Variants in APOOL observed in about 807,000 individuals in gnomAD.
The protein encoded by APOOL is MICOS complex subunit MIC27.
A neutral mutation model predicts 23.1 loss-of-function variants in APOOL; 12 were observed. That is an observed-to-expected ratio of 0.52 (90% confidence interval 0.33 to 0.84). The LOEUF is 0.84. Ranked by LOEUF, APOOL falls within the 40% of genes least tolerant of loss-of-function variation. The probability of loss-of-function intolerance (pLI) is 0.02; values close to 1 mark genes in which losing one functional copy is unlikely to be tolerated. For synonymous variants in APOOL, 77 were observed against 69.9 expected (o/e 1.10, Z -0.51); for missense variants, 212 against 199.6 (o/e 1.06, Z -0.37).
chrX:85,004,466 G>A (rs1569451698), intron 1 of APOOL, among the ~76,000 whole-genome samples: 1 of 111,855 alleles, frequency 8.9e-6, no homozygotes, highest in East Asian at 2.8e-4. Flanking sequence ...CTTGGGAAAG[G>A]TGCCTTTACT....
intron 1 of APOOL, among the ~76,000 whole-genome samples, chrX:85,022,046 A>G (rs1182979347): frequency 8.9e-6 from 1 of 112,325 alleles, no homozygotes; most frequent in South Asian, 3.7e-4. Flanking sequence ...ATTACAAAGA[A>G]ATAGAAAATC....
chrX:85,059,815 C>A (rs1434483154), intron 5 of APOOL, among the ~76,000 whole-genome samples: 2 of 111,025 alleles, frequency 1.8e-5, no homozygotes, highest in Non-Finnish European at 3.8e-5. Context: ...AATTTTCTCC[C>A]ATTCTGTAGG....
At chrX:85,046,370 T>A in intron 1 of APOOL, 76 bp from the exon 2 acceptor site, 1 of 807,355 alleles carries the variant, frequency 1.2e-6, no homozygotes, top group Non-Finnish European at 1.8e-6. Context: ...TTCCTGAGAT[T>A]CCTCCAGTAT....
chrX:85,005,175 T>G (rs1921014024), intron 1 of APOOL, among the ~76,000 whole-genome samples: 1 of 110,086 alleles, frequency 9.1e-6, no homozygotes, highest in Admixed American at 9.7e-5. Flanking sequence ...ACGGAGTCTC[T>G]CTCTGTCTCC....
At chrX:85,024,608 G>T (rs1033815254) in intron 1 of APOOL, among the ~76,000 whole-genome samples, 1 of 112,494 alleles carries the variant, frequency 8.9e-6, no homozygotes, top group African/African-American at 3.2e-5. Flanking sequence ...ATCTAACTGG[G>T]ATACCACTTT....
At position 85,092,608 on chromosome X, in the gene APOOL, A is replaced by T. The variant is rs1602817122; in HGVS notation, c.*4930A>T. The T allele has an allele frequency of 9.1e-7, 1 of 1,099,649 alleles. No homozygotes were observed. The highest frequency in any genetic ancestry group is 1.8e-5 in the African/African-American group (1 of 55,394). The allele number at this position is 1,099,649 out of a possible 1,213,427, so 90.6% of individuals were successfully genotyped here. On this transcript the variant is annotated 3_prime_UTR_variant, in exon 9 of 9. Transcript: ENST00000373173. ...AATATTACTTTCATTTGAAAGTATA[A>T]TCTTCGTTAACACATATATTTTATT...
At chrX:85,058,409 C>A (rs185447372) in intron 5 of APOOL, among the ~76,000 whole-genome samples, 259 of 111,596 alleles carry the variant, frequency 2.3e-3, no homozygotes, top group African/African-American at 8.1e-3. Context: ...TGATCTCATT[C>A]CTTTTTATGG....
rs771005948 is a variant in APOOL, at chrX:85,086,722, C to T, written c.719-868C>T. 5.5e-3 allele frequency among the ~76,000 whole-genome samples: 566 copies of T among 103,241 alleles called. 5 individuals are homozygous for T. Among genetic ancestry groups the T allele is most frequent in the African/African-American group, 0.019 (543 of 27,996 alleles). 89.7% of individuals were successfully genotyped at this position (103,241 alleles called of 115,157 possible). A position where few individuals can be genotyped will look rare whatever the true frequency, so the allele number is the denominator to read the frequency against. The stretch of plus-strand genomic sequence containing the variant: ...AAGAGTGATTTTTTTTTTTTTGAGA[C>T]GGAGTCTCGCTGTGTCTCCCAGGTT... On this transcript the variant is annotated intron_variant, in intron 8 of 8. Coordinates refer to ENST00000373173, the MANE Select transcript of APOOL (RefSeq NM_198450.6).
At chrX:85,028,180 A>C (rs913441387) in intron 1 of APOOL, among the ~76,000 whole-genome samples, 2 of 111,728 alleles carry the variant, frequency 1.8e-5, no homozygotes, top group African/African-American at 6.5e-5. Context: ...TCATAAGTCT[A>C]AAACAAGGTG....
intron 1 of APOOL, among the ~76,000 whole-genome samples, chrX:85,026,712 G>A (rs773354102): frequency 1.8e-5 from 2 of 111,713 alleles, no homozygotes; most frequent in African/African-American, 6.5e-5. Context: ...ATGTAGCCAA[G>A]TTCTTTACTA....
At chrX:85,043,527 A>G (rs1368110652) in intron 1 of APOOL, among the ~76,000 whole-genome samples, 1 of 111,188 alleles carries the variant, frequency 9.0e-6, no homozygotes, top group Non-Finnish European at 1.9e-5. Context: ...TGTTTTTTAA[A>G]AACATTTTAA....
At chrX:85,040,052 T>C (rs185455167) in intron 1 of APOOL, among the ~76,000 whole-genome samples, 2 of 112,177 alleles carry the variant, frequency 1.8e-5, no homozygotes, top group African/African-American at 6.5e-5. Flanking sequence ...TTCATTTCCA[T>C]GTTTAGCCCT....
rs1177255190 is a variant in APOOL at position 85,088,678 on chromosome X, A to G, written c.*1000A>G. ...CCATTCCCAAAACTTCTTCCCATCT[A>G]CCTTCAAGACTTACCTCTTTTCAGC... On this transcript the variant is annotated 3_prime_UTR_variant, in exon 9 of 9. Transcript: ENST00000373173. 2 of 110,371 alleles carry G rather than the reference A, an allele frequency of 1.8e-5. No homozygotes were observed. The highest frequency in any genetic ancestry group is 3.8e-5 in the Non-Finnish European group (2 of 52,817). 9.1% of individuals were successfully genotyped at this position (110,371 alleles called of 1,213,427 possible).
At chrX:85,059,578 T>C in intron 5 of APOOL, among the ~76,000 whole-genome samples, 1 of 109,653 alleles carries the variant, frequency 9.1e-6, no homozygotes, top group East Asian at 2.9e-4. Context: ...TTCTAACTGG[T>C]GTGAGATGGT....
chrX:85,058,263 C>G (rs1304692034), intron 5 of APOOL, among the ~76,000 whole-genome samples: 1 of 109,775 alleles, frequency 9.1e-6, no homozygotes, highest in Non-Finnish European at 1.9e-5. Flanking sequence ...GTGTTGTTCC[C>G]CTCCCTGTGT....
In APOOL at chrX:85,087,595, ACCCAGTTTATGCCTGACC is replaced by A; in HGVS notation, c.727_744del (p.Gln243_Pro248del). The stretch of plus-strand genomic sequence containing the variant: ...TCATTTTAATACTTTATCAGGTGCA[ACCCAGTTTATGCCTGACC>A]CCAAGCTCATGGATCACGGGCAGTC... On this transcript the variant is annotated inframe_deletion, in exon 9 of 9. Coordinates refer to ENST00000373173, the MANE Select transcript of APOOL (RefSeq NM_198450.6). 4 of 1,198,307 alleles carry A rather than the reference ACCCAGTTTATGCCTGACC, an allele frequency of 3.3e-6. No individual in the cohort carries two copies. Among genetic ancestry groups the A allele is most frequent in the Non-Finnish European group, 4.5e-6 (4 of 888,706 alleles).
intron 1 of APOOL, among the ~76,000 whole-genome samples, chrX:85,036,968 G>C (rs1460292442): frequency 9.0e-6 from 1 of 111,042 alleles, no homozygotes; most frequent in African/African-American, 3.3e-5. Context: ...ACAATATTTG[G>C]TTTTCCATTC....
At chrX:85,017,644 C>T (rs1333066899) in intron 1 of APOOL, among the ~76,000 whole-genome samples, 1 of 111,515 alleles carries the variant, frequency 9.0e-6, no homozygotes, top group African/African-American at 3.3e-5. Context: ...CTCTGAGGGC[C>T]CCTGTGAGAT....
chrX:85,092,201 C>T lies in APOOL; in HGVS notation c.*4523C>T. ...TTGGATTATCACTACTGCTACTAGC[C>T]GTTAGAATATTGGTTTGGATAATGG... is the stretch of plus-strand genomic sequence containing the variant. On this transcript the variant is annotated 3_prime_UTR_variant, in exon 9 of 9. Transcript: ENST00000373173. 2 of 391,667 alleles carry T rather than the reference C, an allele frequency of 5.1e-6. No homozygotes were observed. The highest frequency in any genetic ancestry group is 8.5e-6 in the Non-Finnish European group (2 of 234,735). 32.3% of individuals were successfully genotyped at this position (391,667 alleles called of 1,213,427 possible).
Sources: gnomAD v4.1 joint callset for allele counts (sites outside exome capture counted in the v4.1 genomes callset) on GRCh38, gnomAD v4.1.1 for gene constraint, MANE v1.5 for transcripts, NCBI Gene and HGNC (gene_info 2026-07-23, HGNC 2026-07-21) for gene names.